Variants in RYR2 observed in about 807,000 individuals in gnomAD.
The protein encoded by RYR2 is ryanodine receptor 2.
Under a neutral mutation model 601.1 loss-of-function variants are expected in RYR2, and 227 were observed. The observed-to-expected ratio is 0.38, with a 90% CI of 0.34 to 0.42. RYR2 has a LOEUF of 0.42. Ranked by LOEUF, RYR2 falls within the 10% of genes least tolerant of loss-of-function variation. The pLI is 1.00. For missense variants in RYR2, 4,646 were observed against 6,156.5 expected (o/e 0.75, Z 8.21); for synonymous variants, 2,223 against 2,175.1 (o/e 1.02, Z -0.61).
intron 1 of RYR2, among the ~76,000 whole-genome samples, chr1:237,192,648 C>T (rs1680103133): frequency 6.6e-6 from 1 of 152,138 alleles, no homozygotes; most frequent in Non-Finnish European, 1.5e-5. Context: ...ACACAGGAGT[C>T]AAAAGATTAT....
chr1:237,373,742 T>A (rs1022063095), intron 6 of RYR2, among the ~76,000 whole-genome samples: 2 of 152,196 alleles, frequency 1.3e-5, no homozygotes, highest in African/African-American at 4.8e-5. Flanking sequence ...GAGTGATTAC[T>A]CCTGTGGAAA....
intron 1 of RYR2, among the ~76,000 whole-genome samples, chr1:237,066,301 T>C (rs1663609174): frequency 6.6e-6 from 1 of 152,268 alleles, no homozygotes; most frequent in Non-Finnish European, 1.5e-5. Context: ...AATAATCTTA[T>C]ACAGGCATTT....
At chr1:237,433,033 G>GTT (rs57814348) in intron 12 of RYR2, among the ~76,000 whole-genome samples, 1 of 149,880 alleles carries the variant, frequency 6.7e-6, no homozygotes, top group African/African-American at 2.5e-5. Context: ...GTGACTGTGT[G>GTT]TGGGGGGGGG....
rs1659485314 is a variant in RYR2, at chr1:237,798,097, G to A, written c.14017G>A (p.Asp4673Asn). The change falls in exon 97 of 105, where the codon GAC becomes AAC. Residue 4673 changes from aspartate to asparagine, a missense_variant. By Grantham distance (23) the Asp-to-Asn change is conservative. Coordinates refer to ENST00000366574, the MANE Select transcript of RYR2 (RefSeq NM_001035.3). ...RDRISELLGM[D>N]KAALDFSDAR... The stretch of plus-strand genomic sequence containing the variant: ...CAGAATCAGTGAATTACTTGGCATG[G>A]ACAAGGCAGCTCTGGACTTCAGTGA... 6.2e-7 allele frequency: 1 copy of A among 1,611,692 alleles called. No homozygotes were observed. The highest frequency in any genetic ancestry group is 1.3e-5 in the African/African-American group (1 of 74,898).
intron 1 of RYR2, among the ~76,000 whole-genome samples, chr1:237,110,911 T>G (rs747050512): frequency 6.6e-6 from 1 of 152,210 alleles, no homozygotes; most frequent in Non-Finnish European, 1.5e-5. Flanking sequence ...ACCACAACCC[T>G]GTGAGGTCAA....
intron 1 of RYR2, among the ~76,000 whole-genome samples, chr1:237,209,606 A>T (rs1682344269): frequency 6.6e-6 from 1 of 151,826 alleles, no homozygotes; most frequent in South Asian, 2.1e-4. Flanking sequence ...TAATCCCAGC[A>T]CATTGGGAGG....
At chr1:237,263,556 A>G (rs898155306) in intron 1 of RYR2, among the ~76,000 whole-genome samples, 1 of 152,234 alleles carries the variant, frequency 6.6e-6, no homozygotes, top group Non-Finnish European at 1.5e-5. Flanking sequence ...CAGGAAACTG[A>G]TGTGAAAGTG....
intron 16 of RYR2, among the ~76,000 whole-genome samples, chr1:237,468,774 A>G (rs1318246769): frequency 1.3e-5 from 2 of 152,194 alleles, no homozygotes; most frequent in Non-Finnish European, 2.9e-5. Flanking sequence ...AGCAAAGGGG[A>G]TTAGAACCCA....
chr1:237,453,041 T>C, intron 14 of RYR2, among the ~76,000 whole-genome samples: 1 of 152,238 alleles, frequency 6.6e-6, no homozygotes, highest in Middle Eastern at 3.4e-3. Flanking sequence ...CGTTTTTGAA[T>C]TTTATTCACT....
chr1:237,057,823 C>T (rs534037107), intron 1 of RYR2, among the ~76,000 whole-genome samples: 48 of 152,298 alleles, frequency 3.2e-4, no homozygotes, highest in East Asian at 7.7e-4. Flanking sequence ...GTTGGGCACA[C>T]GCCTAAGCTG....
chr1:237,284,531 GTATA>G (rs901045226), intron 2 of RYR2, among the ~76,000 whole-genome samples: 2 of 51,622 alleles, frequency 3.9e-5, no homozygotes, highest in African/African-American at 3.9e-4. Flanking sequence ...TGTATTGTGT[GTATA>G]TATATAGTGT....
At chr1:237,249,753 C>T (rs73123343) in intron 1 of RYR2, among the ~76,000 whole-genome samples, 2,934 of 152,174 alleles carry the variant, frequency 0.019, 93 homozygotes, top group African/African-American at 0.066. Flanking sequence ...TGTGCTTTGG[C>T]TAGAGTTTTA....
In RYR2 at chr1:237,599,650, G is replaced by A. The variant is rs147535330; in HGVS notation, c.4597-2375G>A. Among the ~76,000 whole-genome samples, 530 of 151,876 alleles carry A rather than the reference G, an allele frequency of 3.5e-3. 1 individual carries two copies. The highest frequency in any genetic ancestry group is 0.012 in the African/African-American group (493 of 41,384). ...AGCCTGGCCAAAATGGTGAAACCTC[G>A]TCTCTACTAAAAATACAAAAAAATT... On this transcript the variant is annotated intron_variant, in intron 34 of 104. Transcript: ENST00000366574.
chr1:237,731,683 T>G (rs1475044168), intron 77 of RYR2, among the ~76,000 whole-genome samples: 2 of 152,150 alleles, frequency 1.3e-5, no homozygotes, highest in Non-Finnish European at 2.9e-5. Context: ...CTCATATTAA[T>G]TTTTGGTCAA....
At chr1:237,345,814 A>C (rs2149641617) in intron 3 of RYR2, among the ~76,000 whole-genome samples, 1 of 152,272 alleles carries the variant, frequency 6.6e-6, no homozygotes, top group East Asian at 1.9e-4. Context: ...TTTAATATTA[A>C]GATTAGTCCC....
At chr1:237,710,302 A>G (rs1688723919) in intron 70 of RYR2, among the ~76,000 whole-genome samples, 1 of 152,196 alleles carries the variant, frequency 6.6e-6, no homozygotes, top group Non-Finnish European at 1.5e-5. Flanking sequence ...TGTAAATGAG[A>G]GACAAAGAAA....
chr1:237,718,506 T>A lies in RYR2; in HGVS notation c.10539T>A (p.Ile3513=). 6.3e-7 allele frequency: 1 copy of A among 1,595,332 alleles called. No homozygotes were observed. The part of the protein sequence containing the change: ...DEVRDIIRSN[I]HLQGKLEDPA... ...TACGAGATATAATCCGCAGCAATAT[T>A]CATTTACAAGGCAAGGTAAGCCAAA... is the stretch of plus-strand genomic sequence containing the variant. Residue 3513 remains isoleucine (I), a synonymous_variant, in exon 73 of 105, where the codon ATT becomes ATA. Coordinates refer to ENST00000366574, the MANE Select transcript of RYR2 (RefSeq NM_001035.3).
chr1:237,064,072 A>G (rs1663225435), intron 1 of RYR2, among the ~76,000 whole-genome samples: 1 of 152,250 alleles, frequency 6.6e-6, no homozygotes, highest in South Asian at 2.1e-4. Flanking sequence ...TTCTTCAAAC[A>G]TTGCTTCTGC....
rs187844305 is a variant in RYR2 at position 237,653,736 on chromosome 1, G to A, written c.7825-538G>A. 3.9e-5 allele frequency among the ~76,000 whole-genome samples: 6 copies of A among 152,310 alleles called. No individual in the cohort carries two copies. In the East Asian group the frequency reaches 1.2e-3, roughly 29 times the overall value. On this transcript the variant is annotated intron_variant, in intron 51 of 104. Coordinates refer to ENST00000366574, the MANE Select transcript of RYR2 (RefSeq NM_001035.3). ...TTCAAGTCCCAAAACCTCAAAAGTA[G>A]GGAAGCCAACAGTGCAGCCTTCAGT...
Sources: gnomAD v4.1 joint callset for allele counts (sites outside exome capture counted in the v4.1 genomes callset) on GRCh38, gnomAD v4.1.1 for gene constraint, MANE v1.5 for transcripts, NCBI Gene and HGNC (gene_info 2026-07-23, HGNC 2026-07-21) for gene names.